Variants in ARHGAP39 observed in about 807,000 individuals in gnomAD.
ARHGAP39 encodes Rho GTPase activating protein 39.
Under a neutral mutation model 106.9 loss-of-function variants are expected in ARHGAP39, and 44 were observed. That is an observed-to-expected ratio of 0.41 (90% CI 0.32 to 0.53). The LOEUF is 0.53. ARHGAP39 is among the 20% of genes least tolerant of loss of function. ARHGAP39 has a pLI of 0.21. For synonymous variants in ARHGAP39, 768 were observed against 693.2 expected (o/e 1.11, Z -1.69); for missense variants, 1,496 against 1,577.3 (o/e 0.95, Z 0.87).
chr8:144,565,340 C>A (rs956995727), intron 3 of ARHGAP39, among the ~76,000 whole-genome samples: 1 of 151,988 alleles, frequency 6.6e-6, no homozygotes, highest in Non-Finnish European at 1.5e-5. Flanking sequence ...GAAAGCACAA[C>A]AACAGAAATG....
chr8:144,629,019 C>A (rs1820996000), intron 1 of ARHGAP39, among the ~76,000 whole-genome samples: 1 of 152,342 alleles, frequency 6.6e-6, no homozygotes, highest in South Asian at 2.1e-4. Context: ...ACGCGCTTCC[C>A]ATTAGTGCCT....
rs757095980 is a variant in ARHGAP39, at chr8:144,547,701, G to C, written c.1385C>G (p.Pro462Arg). The C allele has an allele frequency of 4.4e-6, 7 of 1,587,258 alleles. No individual in the cohort carries two copies. In the East Asian group the frequency reaches 1.6e-4, roughly 36 times the overall value. ...EGPELRHSQP[P>R]TPLPQAQEDA... Reference sequence around the variant, plus strand: ...CTCCTGGGCCTGTGGCAGCGGCGTGGGCGGCTGGCTGTGCCGCAGCTCAGG... The same window carrying C: ...CTCCTGGGCCTGTGGCAGCGGCGTGCGCGGCTGGCTGTGCCGCAGCTCAGG... Residue 462 changes from proline to arginine, a missense_variant, in exon 5 of 12, where the codon CCC (proline) becomes CGC (arginine). Physicochemically the swap from Pro to Arg is moderately radical, Grantham distance 103. This residue lies in a region of ARHGAP39 where 905 missense variants were observed against 816.4 expected (regional missense o/e 1.11). Transcript: ENST00000377307. The surrounding 1 kb of genome is among the most constrained non-coding windows in gnomAD (Gnocchi z 5.2).
intron 1 of ARHGAP39, among the ~76,000 whole-genome samples, chr8:144,653,060 G>A (rs546388589): frequency 4.5e-4 from 68 of 152,286 alleles, no homozygotes; most frequent in African/African-American, 1.5e-3. Context: ...CACTTTGGGA[G>A]GCTGAGGCGG....
intron 1 of ARHGAP39, among the ~76,000 whole-genome samples, chr8:144,655,544 G>A (rs1821673133): frequency 6.6e-6 from 1 of 152,026 alleles, no homozygotes; most frequent in Non-Finnish European, 1.5e-5. Context: ...TGCTTATCAG[G>A]ATGACCTGCC....
intron 1 of ARHGAP39, among the ~76,000 whole-genome samples, chr8:144,617,864 C>G (rs1820679439): frequency 6.6e-6 from 1 of 152,182 alleles, no homozygotes; most frequent in African/African-American, 2.4e-5. Flanking sequence ...TCACTGTAGT[C>G]TCAACCTCCC....
At position 144,586,454 on chromosome 8, in the gene ARHGAP39, C is replaced by A. The variant is rs1045678683; in HGVS notation, c.81-5177G>T. ...TGCCCCACAGGGTGTGCCGAGGACA[C>A]CCCCAGTGTCTTCCAGTCTTATCCC... is the stretch of plus-strand genomic sequence containing the variant. On this transcript the variant is annotated intron_variant, in intron 2 of 11. Transcript: ENST00000377307. The surrounding 1 kb of genome is among the most constrained non-coding windows in gnomAD (Gnocchi z 4.2). The A allele has an allele frequency of 1.3e-5, 2 of 152,456 alleles. No individual in the cohort carries two copies. Among genetic ancestry groups the A allele is most frequent in the Admixed American group, 1.3e-4 (2 of 15,280 alleles). The allele number at this position is 152,456 out of a possible 1,614,324, so 9.4% of individuals were successfully genotyped here. A position where few individuals can be genotyped will look rare whatever the true frequency, so the allele number is the denominator to read the frequency against.
In ARHGAP39 at chr8:144,530,968, G is replaced by A. The variant is rs1483574762; in HGVS notation, c.2981-97C>T. ...GACATGCATGGAGGGGTGCTGTGGG[G>A]GACAGGCTGGGAGGGCCGGCTCATT... On this transcript the variant is annotated intron_variant, in intron 10 of 11. Coordinates refer to ENST00000377307, the MANE Select transcript of ARHGAP39 (RefSeq NM_025251.3). The A allele has an allele frequency of 8.7e-5, 124 of 1,431,520 alleles. 2 individuals are homozygous for A. In the South Asian group the frequency reaches 1.6e-3, roughly 19 times the overall value. 88.7% of individuals were successfully genotyped at this position (1,431,520 alleles called of 1,614,324 possible).
chr8:144,560,412 G>T (rs1317516952), intron 3 of ARHGAP39, among the ~76,000 whole-genome samples: 1 of 152,158 alleles, frequency 6.6e-6, no homozygotes, highest in East Asian at 1.9e-4. Context: ...TCCAGCCTGG[G>T]CAACAAAACG....
At chr8:144,682,988 G>A (rs544739407) in intron 1 of ARHGAP39, among the ~76,000 whole-genome samples, 62 of 152,156 alleles carry the variant, frequency 4.1e-4, no homozygotes, top group Non-Finnish European at 8.7e-4. Flanking sequence ...CTGCACTCCA[G>A]CCTGGCCAGC....
chr8:144,603,557 G>A (rs1202861261), intron 2 of ARHGAP39, among the ~76,000 whole-genome samples: 1 of 151,944 alleles, frequency 6.6e-6, no homozygotes, highest in Non-Finnish European at 1.5e-5. Context: ...GGGCGTGGTG[G>A]TGCGCACCTG....
chr8:144,580,255 C>T (rs1818921983), intron 3 of ARHGAP39, among the ~76,000 whole-genome samples: 1 of 152,092 alleles, frequency 6.6e-6, no homozygotes, highest in Non-Finnish European at 1.5e-5. Flanking sequence ...GCTGTGTCCA[C>T]ACTGATCTAC....
intron 1 of ARHGAP39, among the ~76,000 whole-genome samples, chr8:144,649,242 A>C (rs1298611629): frequency 6.6e-6 from 1 of 151,770 alleles, no homozygotes; most frequent in African/African-American, 2.4e-5. Flanking sequence ...GGGGATCAAG[A>C]CCATCCTGGC....
intron 3 of ARHGAP39, among the ~76,000 whole-genome samples, chr8:144,558,475 T>G (rs141864122): frequency 0.022 from 3,398 of 152,128 alleles, 128 homozygotes; most frequent in African/African-American, 0.077. Context: ...GTATTTTTAT[T>G]AGAGACGGGG....
At chr8:144,546,742 G>A (rs1422638744) in intron 5 of ARHGAP39, among the ~76,000 whole-genome samples, 1 of 152,162 alleles carries the variant, frequency 6.6e-6, no homozygotes, top group Non-Finnish European at 1.5e-5. Context: ...AGAACCACCA[G>A]GGAACCCCCG....
At chr8:144,636,695 A>G (rs1245658849) in intron 1 of ARHGAP39, among the ~76,000 whole-genome samples, 1 of 152,232 alleles carries the variant, frequency 6.6e-6, no homozygotes, top group African/African-American at 2.4e-5. Context: ...ACATGTTTAA[A>G]GGACCAAGGT....
rs144446917 is a variant in ARHGAP39 at position 144,547,778 on chromosome 8, C to T, written c.1308G>A (p.Leu436=). The T allele has an allele frequency of 6.3e-7, 1 of 1,597,872 alleles. No homozygotes were observed. The highest frequency in any genetic ancestry group is 1.3e-5 in the African/African-American group (1 of 74,958). The change falls in exon 5 of 12, where the codon CTG becomes CTA. Residue 436 remains leucine (L), a synonymous_variant. Coordinates refer to ENST00000377307, the MANE Select transcript of ARHGAP39 (RefSeq NM_025251.3). The surrounding 1 kb of genome is among the most constrained non-coding windows in gnomAD (Gnocchi z 5.2). ...ACTTGACGCCCAGGCGCTGGTCCCT[C>T]AGCAGGCAGGGGCTGGGCTGCAAGG... is the stretch of plus-strand genomic sequence containing the variant. ...SYSLQPSPCL[L]RDQRLGVKSG...
In ARHGAP39 at chr8:144,605,576, A is replaced by G; in HGVS notation, c.39T>C (p.Asn13=). Residue 13 remains asparagine (N), a synonymous_variant, in exon 2 of 12, where the codon AAT becomes AAC. Transcript: ENST00000377307. ...QTQDYECRSH[N]VDLPESRIPG... is the part of the protein sequence containing the mutation. ...GAATCCTCGACTCCGGCAGGTCGAC[A>G]TTATGGCTCCTGCACTCGTAGTCCT... 6.2e-7 allele frequency: 1 copy of G among 1,613,948 alleles called. No homozygotes were observed. Among genetic ancestry groups the G allele is most frequent in the Non-Finnish European group, 8.5e-7 (1 of 1,180,024 alleles).
At chr8:144,563,773 A>G (rs1818291936) in intron 3 of ARHGAP39, among the ~76,000 whole-genome samples, 1 of 151,896 alleles carries the variant, frequency 6.6e-6, no homozygotes, top group South Asian at 2.1e-4. Flanking sequence ...CATGGGTAAC[A>G]GCGAGACCTT....
intron 3 of ARHGAP39, among the ~76,000 whole-genome samples, 188 bp downstream of exon 3, chr8:144,580,658 C>T (rs1434420704): frequency 6.7e-6 from 1 of 150,084 alleles, no homozygotes; most frequent in African/African-American, 2.5e-5. Flanking sequence ...CCCGCTCTCA[C>T]GTGGCCCCGC....
Sources: gnomAD v4.1 joint callset for allele counts (sites outside exome capture counted in the v4.1 genomes callset) on GRCh38, gnomAD v4.1.1 for gene constraint, gnomAD v4.1.1 regional missense constraint, Gnocchi (gnomAD v3.1) non-coding constraint, MANE v1.5 for transcripts, NCBI Gene and HGNC (gene_info 2026-07-23, HGNC 2026-07-21) for gene names.